The following TRUB2 variants were observed in gnomAD, a reference collection of about 807,000 sequenced individuals.
The protein encoded by TRUB2 is pseudouridylate synthase TRUB2, mitochondrial.
A neutral mutation model predicts 31.9 loss-of-function variants in TRUB2; 31 were observed. That is an observed-to-expected ratio of 0.97 (90% CI 0.73 to 1.31). The LOEUF (loss-of-function observed/expected upper bound fraction) is 1.31. TRUB2 is among the 50% of genes most tolerant of loss of function. The pLI, the probability that TRUB2 is intolerant of heterozygous loss-of-function variation, is 0.00. For synonymous variants in TRUB2, 201 were observed against 182.6 expected, an observed-to-expected ratio of 1.10 and a Z score of -0.81; for missense variants, 451 against 439.6, an observed-to-expected ratio of 1.03 and a Z score of -0.23.
At chr9:128,311,190 AC>A in intron 6 of TRUB2, 167 bp from the exon 7 acceptor site, 1 of 944,558 alleles carries the variant, frequency 1.1e-6, no homozygotes, top group Non-Finnish European at 1.6e-6. Context: ...GAGTCAGGAA[AC>A]CCAGGCAAGC....
At chr9:128,313,195 C>A (rs1275600271) in intron 5 of TRUB2, among the ~76,000 whole-genome samples, 2 of 145,982 alleles carry the variant, frequency 1.4e-5, no homozygotes, top group Admixed American at 1.4e-4. Flanking sequence ...CCAGCCTGGG[C>A]GACAGAGCGA....
At position 128,317,229 on chromosome 9, in the gene TRUB2, G is replaced by A. The variant is rs1832085387; in HGVS notation, c.242-3C>T. The A allele has an allele frequency of 1.3e-6, 2 of 1,590,964 alleles. No homozygotes were observed. Among genetic ancestry groups the A allele is most frequent in the East Asian group, 2.3e-5 (1 of 44,072 alleles). The stretch of plus-strand genomic sequence containing the variant: ...ATGGGCGAATGCTGGTCCACATACT[G>A]GAAAGAAACAAACAAGGTCCATTTT... On this transcript the variant is annotated splice_region_variant and splice_polypyrimidine_tract_variant and intron_variant, in intron 2 of 7. Transcript: ENST00000372890.
At chr9:128,319,944 C>T (rs1832134396) in intron 2 of TRUB2, among the ~76,000 whole-genome samples, 1 of 149,024 alleles carries the variant, frequency 6.7e-6, no homozygotes, top group Non-Finnish European at 1.5e-5. Context: ...GAGACTGAGT[C>T]TCGCTGTGTC....
intron 7 of TRUB2, among the ~76,000 whole-genome samples, 199 bp downstream of exon 7, chr9:128,310,688 T>C (rs1010462849): frequency 5.3e-5 from 8 of 152,174 alleles, no homozygotes; most frequent in African/African-American, 1.7e-4. Flanking sequence ...GCTTTTGTTC[T>C]GCGAGCTCTG....
rs1219195922 is a variant in TRUB2, at chr9:128,308,683, T to A, written c.*867A>T. 6.6e-6 allele frequency: 1 copy of A among 152,144 alleles called. No homozygotes were observed. Among genetic ancestry groups the A allele is most frequent in the Admixed American group, 6.6e-5 (1 of 15,258 alleles). The allele number at this position is 152,144 out of a possible 1,614,324, so 9.4% of individuals were successfully genotyped here. Reference sequence around the variant, plus strand: ...AGACTGAGGTCCCGGCCAGGTGCGGTGGCTCACGCCTGTAATCCCAGCACT... The same window carrying A: ...AGACTGAGGTCCCGGCCAGGTGCGGAGGCTCACGCCTGTAATCCCAGCACT... On this transcript the variant is annotated 3_prime_UTR_variant, in exon 8 of 8. Transcript: ENST00000372890.
intron 4 of TRUB2, among the ~76,000 whole-genome samples, chr9:128,315,044 G>A (rs998649184): frequency 2.0e-5 from 3 of 152,268 alleles, no homozygotes; most frequent in African/African-American, 7.2e-5. Flanking sequence ...CCCATAACGT[G>A]GCACCTGCGT....
At chr9:128,315,952 A>G (rs544970025) in intron 3 of TRUB2, 8 of 359,348 alleles carry the variant, frequency 2.2e-5, no homozygotes, top group East Asian at 2.1e-4. Flanking sequence ...AATCAGGGAC[A>G]GCTCTGAGTA....
At position 128,311,407 on chromosome 9, in the gene TRUB2, G is replaced by A. The variant is rs925227482; in HGVS notation, c.533+122C>T. ...CTTAATGCCAAGAAAGAAACAGGTA[G>A]CTCCCGTCTGGTTCTGGGCTCTAAA... On this transcript the variant is annotated intron_variant, in intron 6 of 7. Coordinates refer to ENST00000372890, the MANE Select transcript of TRUB2 (RefSeq NM_015679.3). 7 of 997,040 alleles carry A rather than the reference G, an allele frequency of 7.0e-6. No homozygotes were observed. The Admixed American group carries it at 7.9e-5, about 11-fold the overall frequency. 61.8% of individuals were successfully genotyped at this position (997,040 alleles called of 1,614,324 possible).
chr9:128,311,212 G>T, intron 6 of TRUB2, 189 bp from the exon 7 acceptor site: 1 of 742,868 alleles, frequency 1.3e-6, no homozygotes, highest in Non-Finnish European at 2.1e-6. Flanking sequence ...TGGCTCCAGA[G>T]CCCAAGCTCT....
rs200923245 is a variant in TRUB2, at chr9:128,309,839, C to T, written c.707G>A (p.Arg236Gln). 6.9e-5 allele frequency: 111 copies of T among 1,614,052 alleles called. No homozygotes were observed. The highest frequency in any genetic ancestry group is 8.7e-5 in the Non-Finnish European group (103 of 1,180,026). The change falls in exon 8 of 8, where the codon CGG becomes CAG. Residue 236 changes from arginine (R) to glutamine (Q), a missense_variant. Physicochemically the swap from Arg to Gln is conservative, Grantham distance 43. Transcript: ENST00000372890. ...CAGGCCGATTTCATGAACCAACTTC[C>T]GCAGCTCTTTCTGCGTCTCATGCAT... ...QCMHETQKEL[R>Q]KLVHEIGLEL...
intron 5 of TRUB2, among the ~76,000 whole-genome samples, chr9:128,312,599 T>G (rs1364795870): frequency 6.6e-6 from 1 of 151,182 alleles, no homozygotes; most frequent in East Asian, 2.0e-4. Context: ...CCCGGCTAAT[T>G]TTTTGTATTA....
intron 3 of TRUB2, chr9:128,315,916 G>A (rs537604033): frequency 3.1e-5 from 14 of 452,368 alleles, no homozygotes; most frequent in Non-Finnish European, 5.8e-5. Context: ...AGAGATCCCT[G>A]GCCTAGTCAC....
At chr9:128,316,043 G>C (rs1832062741) in intron 3 of TRUB2, 1 of 210,580 alleles carries the variant, frequency 4.7e-6, no homozygotes, top group Admixed American at 4.9e-5. Flanking sequence ...AGGCGCAGTG[G>C]CTCATGCCTG....
At chr9:128,319,679 C>G (rs1832128976) in intron 2 of TRUB2, among the ~76,000 whole-genome samples, 1 of 150,626 alleles carries the variant, frequency 6.6e-6, no homozygotes, top group East Asian at 2.0e-4. Context: ...CACTCTTTCA[C>G]CCAGGCTGGA....
At position 128,312,223 on chromosome 9, in the gene TRUB2, C is replaced by T. The variant is rs549099124; in HGVS notation, c.461-622G>A. On this transcript the variant is annotated intron_variant, in intron 5 of 7. Coordinates refer to ENST00000372890, the MANE Select transcript of TRUB2 (RefSeq NM_015679.3). ...CACAATCTCAGCTCACTACAAGCTCCGCCTCCTGGAGTCAAGCAATTCTCC... is the reference window on the plus strand; with the variant it reads ...CACAATCTCAGCTCACTACAAGCTCTGCCTCCTGGAGTCAAGCAATTCTCC... 1.2e-3 allele frequency among the ~76,000 whole-genome samples: 176 copies of T among 150,306 alleles called. 3 individuals carry two copies. In the South Asian group the frequency reaches 0.016, roughly 13 times the overall value.
intron 4 of TRUB2, 53 bp downstream of exon 4, chr9:128,315,514 T>G: frequency 1.3e-6 from 2 of 1,575,324 alleles, no homozygotes; most frequent in Non-Finnish European, 1.7e-6. Flanking sequence ...ATCCTGCTGG[T>G]GACCCCCAGG....
At chr9:128,311,191 C>T in intron 6 of TRUB2, 168 bp from the exon 7 acceptor site, 1 of 918,868 alleles carries the variant, frequency 1.1e-6, no homozygotes, top group Non-Finnish European at 1.6e-6. Context: ...AGTCAGGAAA[C>T]CCAGGCAAGC....
chr9:128,313,975 C>T, intron 4 of TRUB2, 86 bp from the exon 5 acceptor site: 2 of 1,245,254 alleles, frequency 1.6e-6, no homozygotes, highest in Non-Finnish European at 2.3e-6. Context: ...GGTGGGGGGT[C>T]CTCAGGTCTC....
chr9:128,311,698 G>C (rs1368353117), intron 5 of TRUB2, 97 bp from the exon 6 acceptor site: 8 of 1,330,838 alleles, frequency 6.0e-6, no homozygotes, highest in Non-Finnish European at 8.5e-6. Flanking sequence ...CTGGAACATG[G>C]AGAGAGGATG....
Sources: gnomAD v4.1 joint callset for allele counts (sites outside exome capture counted in the v4.1 genomes callset) on GRCh38, gnomAD v4.1.1 for gene constraint, MANE v1.5 for transcripts, NCBI Gene and HGNC (gene_info 2026-07-23, HGNC 2026-07-21) for gene names.